SS18: variants seen among roughly 807,000 people sequenced by gnomAD.
SS18 encodes the protein SS18 subunit of BAF chromatin remodeling complex, also known as protein SSXT.
In SS18, 28 loss-of-function variants were observed where a neutral mutation model predicts 72.5. The ratio of observed to expected loss-of-function variants is 0.39; its 90% confidence interval spans 0.29 to 0.53. The LOEUF (loss-of-function observed/expected upper bound fraction) is 0.53. Ranked by LOEUF, SS18 falls within the 20% of genes least tolerant of loss-of-function variation. The pLI is 0.76. For synonymous variants in SS18, 172 were observed against 164.2 expected (o/e 1.05, Z -0.37); for missense variants, 518 against 535.3 (o/e 0.97, Z 0.32).
chr18:26,090,168 G>C (rs901849709), intron 1 of SS18: 5 of 318,594 alleles, frequency 1.6e-5, no homozygotes, highest in African/African-American at 4.4e-5. Context: ...CCGCCGGTCC[G>C]ACACACGCCC....
At chr18:26,028,077 C>T (rs2053481720) in intron 10 of SS18, among the ~76,000 whole-genome samples, 1 of 151,858 alleles carries the variant, frequency 6.6e-6, no homozygotes, top group African/African-American at 2.4e-5. Flanking sequence ...CTAGGATATA[C>T]AAAGGCCTCT....
At chr18:26,072,062 G>T (rs1236284614) in intron 3 of SS18, among the ~76,000 whole-genome samples, 1 of 151,782 alleles carries the variant, frequency 6.6e-6, no homozygotes, top group Non-Finnish European at 1.5e-5. Context: ...AATGAACACT[G>T]ACTTCAAAAA....
At chr18:26,088,726 G>C (rs1420511100) in intron 1 of SS18, among the ~76,000 whole-genome samples, 1 of 152,110 alleles carries the variant, frequency 6.6e-6, no homozygotes, top group Non-Finnish European at 1.5e-5. Context: ...AAGATCAAGG[G>C]ACTCAGGATA....
intron 2 of SS18, chr18:26,082,444 A>T: frequency 1.0e-6 from 1 of 978,940 alleles, no homozygotes; most frequent in African/African-American, 1.7e-5. Flanking sequence ...GATTTAAACA[A>T]CTCTTTTAAA....
At chr18:26,029,059 A>G (rs1237942850) in intron 10 of SS18, among the ~76,000 whole-genome samples, 2 of 152,206 alleles carry the variant, frequency 1.3e-5, no homozygotes, top group African/African-American at 2.4e-5. Context: ...GATTTTAATA[A>G]AGTGAGGTTG....
intron 3 of SS18, among the ~76,000 whole-genome samples, chr18:26,059,370 A>T (rs545425366): frequency 1.3e-4 from 20 of 152,306 alleles, no homozygotes; most frequent in African/African-American, 3.1e-4. Context: ...GGACTAAGGA[A>T]AAAAAAGAGT....
chr18:26,069,257 A>G (rs769864057), intron 3 of SS18, among the ~76,000 whole-genome samples: 7 of 152,128 alleles, frequency 4.6e-5, no homozygotes, highest in South Asian at 2.1e-4. Context: ...CAGCATTCTA[A>G]TAAAATATAT....
intron 3 of SS18, among the ~76,000 whole-genome samples, chr18:26,069,523 AAAAG>A (rs2054277614): frequency 6.6e-6 from 1 of 150,444 alleles, no homozygotes; most frequent in Non-Finnish European, 1.5e-5. Context: ...AAAAAAAAAA[AAAAG>A]AAAAAGAAAG....
chr18:26,082,002 G>A (rs2054532636), intron 2 of SS18, among the ~76,000 whole-genome samples: 1 of 151,876 alleles, frequency 6.6e-6, no homozygotes, highest in South Asian at 2.1e-4. Flanking sequence ...AGGCTGCAGT[G>A]AGCCATTATC....
intron 3 of SS18, among the ~76,000 whole-genome samples, chr18:26,077,383 A>C (rs983149252): frequency 1.3e-5 from 2 of 152,126 alleles, no homozygotes; most frequent in African/African-American, 4.8e-5. Context: ...TTAAAGGACC[A>C]TGAGAATACA....
intron 10 of SS18, among the ~76,000 whole-genome samples, chr18:26,027,279 A>C (rs1421812481): frequency 6.6e-6 from 1 of 152,230 alleles, no homozygotes. Flanking sequence ...AATGGAACAG[A>C]ATAGAGTTCA....
chr18:26,027,870 G>A (rs2053478819), intron 10 of SS18, among the ~76,000 whole-genome samples: 4 of 151,720 alleles, frequency 2.6e-5, no homozygotes, highest in Admixed American at 2.6e-4. Context: ...GAAAGTACAG[G>A]AGAAAATCTT....
Position 26,023,798 on chromosome 18 carries a change from T to C in SS18, c.1231-5418A>G, listed in dbSNP as rs575917096. Among the ~76,000 whole-genome samples the C allele has an allele frequency of 2.0e-5, 3 of 152,172 alleles. No individual in the cohort carries two copies. The South Asian group carries it at 6.2e-4, about 32-fold the overall frequency. On this transcript the variant is annotated intron_variant, in intron 10 of 10. Transcript: ENST00000415083. ...GTAATATGAATCCATACATAAATAA[T>C]GAAGAGTACCAAAAACGGTAACTAC...
At chr18:26,081,816 G>C (rs2054528816) in intron 2 of SS18, among the ~76,000 whole-genome samples, 1 of 152,108 alleles carries the variant, frequency 6.6e-6, no homozygotes, top group African/African-American at 2.4e-5. Flanking sequence ...CCAGCACTTT[G>C]GGAGGCTGAG....
rs556874510 is a variant in SS18 at position 26,063,291 on chromosome 18, G to A, written c.232-5549C>T. ...TCCCAGCACTTTGGGAGGCCAAGGC[G>A]GGTGGATCACGAGGTCAGGAGATCG... On this transcript the variant is annotated intron_variant, in intron 3 of 10. Coordinates refer to ENST00000415083, the MANE Select transcript of SS18 (RefSeq NM_001007559.3). Among the ~76,000 whole-genome samples the A allele has an allele frequency of 2.3e-4, 35 of 152,296 alleles. 1 individual carries two copies. The highest frequency in any genetic ancestry group is 7.2e-4 in the African/African-American group (30 of 41,558).
At chr18:26,033,249 T>C (rs551787266) in intron 9 of SS18, among the ~76,000 whole-genome samples, 3 of 152,320 alleles carry the variant, frequency 2.0e-5, no homozygotes, top group Non-Finnish European at 2.9e-5. Context: ...CGCAGTGGCT[T>C]ACGCCTGTAA....
chr18:26,025,718 C>T (rs1286556588), intron 10 of SS18, among the ~76,000 whole-genome samples: 1 of 151,970 alleles, frequency 6.6e-6, no homozygotes. Context: ...AAAAAAACTA[C>T]AAACCCAGAT....
intron 7 of SS18, among the ~76,000 whole-genome samples, chr18:26,037,714 T>C (rs1369168048): frequency 6.6e-6 from 1 of 152,120 alleles, no homozygotes; most frequent in Non-Finnish European, 1.5e-5. Context: ...CATCAAAGGA[T>C]CATATACATG....
intron 3 of SS18, among the ~76,000 whole-genome samples, chr18:26,058,352 CACTG>C (rs1427261863): frequency 1.3e-5 from 2 of 152,188 alleles, no homozygotes; most frequent in Non-Finnish European, 2.9e-5. Context: ...TGAAGAAAAC[CACTG>C]ACTAACCTTC....
Sources: gnomAD v4.1 joint callset for allele counts (sites outside exome capture counted in the v4.1 genomes callset) on GRCh38, gnomAD v4.1.1 for gene constraint, MANE v1.5 for transcripts, NCBI Gene and HGNC (gene_info 2026-07-23, HGNC 2026-07-21) for gene names.